Variants in GABRG3 observed in about 807,000 individuals in gnomAD.
GABRG3 encodes gamma-aminobutyric acid type A receptor subunit gamma3.
Under a neutral mutation model 48.8 loss-of-function variants are expected in GABRG3, and 25 were observed. That is an observed-to-expected ratio of 0.51 (90% confidence interval 0.37 to 0.72). The LOEUF (loss-of-function observed/expected upper bound fraction) is 0.72. GABRG3 is among the 30% of genes least tolerant of loss of function. The pLI, the probability that GABRG3 is intolerant of heterozygous loss-of-function variation, is 0.00. For synonymous variants in GABRG3, 227 were observed against 217.6 expected (o/e 1.04, Z -0.38); for missense variants, 394 against 577.9 (o/e 0.68, Z 3.26).
chr15:27,485,393 G>T (rs55943950), intron 6 of GABRG3, among the ~76,000 whole-genome samples: 9,591 of 152,172 alleles, frequency 0.063, 386 homozygotes, highest in Non-Finnish European at 0.089. Context: ...CAAGGAGAAA[G>T]GGTCTGAAAA....
intron 5 of GABRG3, among the ~76,000 whole-genome samples, chr15:27,389,675 A>C (rs1896162117): frequency 6.6e-6 from 1 of 152,214 alleles, no homozygotes; most frequent in Non-Finnish European, 1.5e-5. Flanking sequence ...ATCCTACAGA[A>C]CAATCCGTCA....
chr15:27,152,199 A>G (rs1898329182), intron 3 of GABRG3, among the ~76,000 whole-genome samples: 1 of 152,164 alleles, frequency 6.6e-6, no homozygotes, highest in Non-Finnish European at 1.5e-5. Flanking sequence ...TTAAAAATAA[A>G]TGTCCAATTT....
intron 3 of GABRG3, among the ~76,000 whole-genome samples, chr15:27,265,667 C>T (rs1031710029): frequency 2.0e-5 from 3 of 152,206 alleles, no homozygotes; most frequent in Admixed American, 1.3e-4. Flanking sequence ...CACTTCCATT[C>T]CAGCTACCAG....
At chr15:27,212,280 C>T (rs1305378196) in intron 3 of GABRG3, among the ~76,000 whole-genome samples, 3 of 152,180 alleles carry the variant, frequency 2.0e-5, no homozygotes. Context: ...TCTGGCATCG[C>T]TCCGGGTGTT....
At chr15:27,186,061 A>G (rs1888086285) in intron 3 of GABRG3, among the ~76,000 whole-genome samples, 1 of 146,668 alleles carries the variant, frequency 6.8e-6, no homozygotes, top group Non-Finnish European at 1.5e-5. Flanking sequence ...CGGGATACAT[A>G]TGCAGGTTGG....
At chr15:27,348,765 GT>G (rs1349086344) in intron 5 of GABRG3, among the ~76,000 whole-genome samples, 1 of 152,226 alleles carries the variant, frequency 6.6e-6, no homozygotes, top group Non-Finnish European at 1.5e-5. Context: ...GACATTTTAA[GT>G]TATTAAAGTC....
At chr15:27,494,974 TAAA>T (rs1306321978) in intron 6 of GABRG3, among the ~76,000 whole-genome samples, 1 of 152,190 alleles carries the variant, frequency 6.6e-6, no homozygotes, top group African/African-American at 2.4e-5. Flanking sequence ...TTTAGTGCTA[TAAA>T]ACTCTCATTA....
At chr15:27,470,244 C>CTT (rs535233140) in intron 5 of GABRG3, among the ~76,000 whole-genome samples, 2 of 146,376 alleles carry the variant, frequency 1.4e-5, no homozygotes. Context: ...CTTTCTCTCT[C>CTT]TTTTTTTTTT....
At chr15:27,086,705 A>C (rs1897082945) in intron 3 of GABRG3, among the ~76,000 whole-genome samples, 1 of 152,244 alleles carries the variant, frequency 6.6e-6, no homozygotes, top group African/African-American at 2.4e-5. Flanking sequence ...AAGCATGCAA[A>C]AAACATTCAG....
intron 3 of GABRG3, among the ~76,000 whole-genome samples, chr15:27,313,307 T>TATATATATATATATAC (rs1260635523): frequency 5.1e-5 from 5 of 98,928 alleles, no homozygotes; most frequent in Admixed American, 4.7e-4. Flanking sequence ...TATATATATA[T>TATATATATATATATAC]ATACCCAACA....
intron 5 of GABRG3, among the ~76,000 whole-genome samples, chr15:27,358,979 C>T (rs925854772): frequency 6.6e-6 from 1 of 152,202 alleles, no homozygotes; most frequent in Admixed American, 6.5e-5. Flanking sequence ...GAGGACCCGG[C>T]GGGGCGAACG....
intron 3 of GABRG3, among the ~76,000 whole-genome samples, chr15:27,323,428 G>A (rs899817771): frequency 3.9e-5 from 6 of 152,038 alleles, no homozygotes; most frequent in South Asian, 2.1e-4. Context: ...TTCTCGTCTC[G>A]TTCCTCAATC....
At chr15:27,507,882 A>G (rs906229281) in intron 6 of GABRG3, among the ~76,000 whole-genome samples, 1 of 152,206 alleles carries the variant, frequency 6.6e-6, no homozygotes, top group African/African-American at 2.4e-5. Context: ...GTTCTGTTAG[A>G]GAATCCATCC....
At chr15:27,514,112 A>G (rs922597993) in intron 6 of GABRG3, among the ~76,000 whole-genome samples, 4 of 152,376 alleles carry the variant, frequency 2.6e-5, no homozygotes, top group South Asian at 4.1e-4. Context: ...AACTGATTCT[A>G]CAATTTTATA....
intron 5 of GABRG3, chr15:27,341,077 C>A: frequency 2.4e-6 from 1 of 414,390 alleles, no homozygotes; most frequent in Non-Finnish European, 4.8e-6. Context: ...AAGAGTTAGC[C>A]AGGTCAGCAA....
chr15:27,243,064 G>C (rs144592237), intron 3 of GABRG3, among the ~76,000 whole-genome samples: 3 of 152,154 alleles, frequency 2.0e-5, no homozygotes, highest in Non-Finnish European at 4.4e-5. Context: ...ATTACGACCC[G>C]TAGCGTTTTG....
At chr15:27,470,272 G>T (rs914046699) in intron 5 of GABRG3, among the ~76,000 whole-genome samples, 1 of 144,862 alleles carries the variant, frequency 6.9e-6, no homozygotes, top group Non-Finnish European at 1.5e-5. Context: ...GCGGAGTCTC[G>T]CTCTGTAATG....
At chr15:27,367,632 C>G (rs1213961360) in intron 5 of GABRG3, among the ~76,000 whole-genome samples, 1 of 152,108 alleles carries the variant, frequency 6.6e-6, no homozygotes, top group African/African-American at 2.4e-5. Context: ...TGAAATCTTT[C>G]AGATACAAAG....
In GABRG3 at chr15:27,454,775, G is replaced by A. The variant is rs149348159; in HGVS notation, c.575-25875G>A. On this transcript the variant is annotated intron_variant, in intron 5 of 9. Coordinates refer to ENST00000615808, the MANE Select transcript of GABRG3 (RefSeq NM_033223.5). Reference sequence around the variant, plus strand: ...CATCCCTGTCCACATTTGGAAAAGCGCTCATTTCTGCCTCTTGCAAAGAAA... The same window carrying A: ...CATCCCTGTCCACATTTGGAAAAGCACTCATTTCTGCCTCTTGCAAAGAAA... Among the ~76,000 whole-genome samples the A allele has an allele frequency of 5.7e-3, 866 of 152,252 alleles. 2 individuals carry two copies. The highest frequency in any genetic ancestry group is 9.2e-3 in the Non-Finnish European group (627 of 68,018).
Sources: gnomAD v4.1 joint callset for allele counts (sites outside exome capture counted in the v4.1 genomes callset) on GRCh38, gnomAD v4.1.1 for gene constraint, MANE v1.5 for transcripts, NCBI Gene and HGNC (gene_info 2026-07-23, HGNC 2026-07-21) for gene names.